PI4K2A: variants seen among roughly 807,000 people sequenced by gnomAD.
PI4K2A encodes the protein phosphatidylinositol 4-kinase type 2-alpha.
A neutral mutation model predicts 55.0 loss-of-function variants in PI4K2A; 20 were observed. That is an observed-to-expected ratio of 0.36 (90% confidence interval 0.26 to 0.53). PI4K2A has a LOEUF of 0.53. PI4K2A is among the 20% of genes least tolerant of loss of function. PI4K2A has a pLI of 0.91. For synonymous variants in PI4K2A, 235 were observed against 258.5 expected, an observed-to-expected ratio of 0.91 and a Z score of 0.87; for missense variants, 463 against 637.1, an observed-to-expected ratio of 0.73 and a Z score of 2.94.
At chr10:97,671,368 T>C (rs1361731401) in intron 8 of PI4K2A, among the ~76,000 whole-genome samples, 1 of 152,044 alleles carries the variant, frequency 6.6e-6, no homozygotes, top group Non-Finnish European at 1.5e-5. Flanking sequence ...GGGAGGGTCA[T>C]TTGAGGCCAG....
chr10:97,657,687 CTAAAG>C (rs1343546217), intron 4 of PI4K2A, among the ~76,000 whole-genome samples: 1 of 150,492 alleles, frequency 6.6e-6, no homozygotes, highest in Non-Finnish European at 1.5e-5. Context: ...AAAAAAGTCT[CTAAAG>C]TCACCTTATT....
At chr10:97,643,127 C>T (rs2041487076) in intron 1 of PI4K2A, among the ~76,000 whole-genome samples, 1 of 151,500 alleles carries the variant, frequency 6.6e-6, no homozygotes, top group African/African-American at 2.4e-5. Flanking sequence ...GCTGGGACTA[C>T]AGGCACGCAC....
At chr10:97,672,722 G>GTTTTTTTTTTTTTTTTT (rs201709914) in intron 8 of PI4K2A, among the ~76,000 whole-genome samples, 1 of 94,788 alleles carries the variant, frequency 1.1e-5, no homozygotes, top group African/African-American at 5.1e-5. Context: ...CAGAGGGTCT[G>GTTTTTTTTTTTTTTTTT]TTCTTTTTTT....
rs1212309707 is a variant in PI4K2A at position 97,656,463 on chromosome 10, A to G, written c.768+47A>G. 3 of 1,586,122 alleles carry G rather than the reference A, an allele frequency of 1.9e-6. No individual in the cohort carries two copies. Among genetic ancestry groups the G allele is most frequent in the African/African-American group, 1.3e-5 (1 of 74,428 alleles). On this transcript the variant is annotated intron_variant, in intron 3 of 8. Coordinates refer to ENST00000370631, the Ensembl canonical transcript of PI4K2A. The surrounding 1 kb of genome is among the most constrained non-coding windows in gnomAD (Gnocchi z 4.5). ...ATCAAGGGTCATGATTTATAGTGACATAGTCATCCAAGTGGTGAAGCAAGG... is the reference window on the plus strand; with the variant it reads ...ATCAAGGGTCATGATTTATAGTGACGTAGTCATCCAAGTGGTGAAGCAAGG...
chr10:97,671,760 C>A (rs376243575), intron 8 of PI4K2A, among the ~76,000 whole-genome samples: 7 of 152,252 alleles, frequency 4.6e-5, no homozygotes, highest in African/African-American at 1.7e-4. Context: ...CCTCCTCAGC[C>A]TCCCCAGTAG....
intron 1 of PI4K2A, 45 bp downstream of exon 1, chr10:97,641,222 G>C (rs746078397): frequency 3.4e-6 from 5 of 1,463,964 alleles, no homozygotes; most frequent in Middle Eastern, 1.8e-4. Context: ...GAGGGCCGGC[G>C]GCGCTCCTGG....
intron 7 of PI4K2A, 69 bp from the exon 8 acceptor site, chr10:97,666,992 C>T (rs1254397944): frequency 8.1e-7 from 1 of 1,235,784 alleles, no homozygotes; most frequent in Non-Finnish European, 1.2e-6. Flanking sequence ...AAGTTTCTAA[C>T]TGGGGGAGAA....
At chr10:97,647,922 TTTG>T (rs965143612) in intron 1 of PI4K2A, among the ~76,000 whole-genome samples, 1 of 151,034 alleles carries the variant, frequency 6.6e-6, no homozygotes, top group Non-Finnish European at 1.5e-5. Context: ...TTGCTTTTTT[TTTG>T]TTGTTGTTGT....
intron 4 of PI4K2A, 93 bp downstream of exon 4, chr10:97,657,067 C>G: frequency 8.2e-7 from 1 of 1,219,532 alleles, no homozygotes; most frequent in Non-Finnish European, 1.2e-6. Context: ...GTCAGAGTAC[C>G]TTGTCCAGAC....
rs780927059 is a variant in PI4K2A, at chr10:97,662,943, G to A, written c.959G>A (p.Cys320Tyr). The change falls in exon 5 of 9, where the codon TGT becomes TAT. Residue 320 changes from cysteine to tyrosine, a missense_variant. Transcript: ENST00000370631. ...GACAACTGGCTGATTAAATATGACT[G>A]TCCAATGGATAGTTCTAGCTCTCGG... 6.9e-6 allele frequency: 11 copies of A among 1,603,370 alleles called. No individual in the cohort carries two copies. The highest frequency in any genetic ancestry group is 9.4e-6 in the Non-Finnish European group (11 of 1,170,534).
intron 4 of PI4K2A, among the ~76,000 whole-genome samples, chr10:97,660,826 A>G (rs1047740824): frequency 3.3e-5 from 5 of 152,058 alleles, no homozygotes; most frequent in African/African-American, 1.2e-4. Flanking sequence ...GAAAATTTCA[A>G]AATACACAAA....
intron 6 of PI4K2A, 31 bp downstream of exon 6, chr10:97,665,015 T>G: frequency 1.9e-4 from 247 of 1,305,208 alleles, no homozygotes; most frequent in Middle Eastern, 3.6e-4. Context: ...GGTCTGGCTC[T>G]TCCCTTGCTC....
At chr10:97,665,021 T>G (rs1380996027) in intron 6 of PI4K2A, 37 bp downstream of exon 6, 2 of 1,271,006 alleles carry the variant, frequency 1.6e-6, no homozygotes, top group African/African-American at 2.9e-5. Context: ...GCTCTTCCCT[T>G]GCTCAGTATA....
intron 2 of PI4K2A, among the ~76,000 whole-genome samples, chr10:97,653,352 A>G (rs1433636319): frequency 1.3e-5 from 2 of 152,192 alleles, no homozygotes; most frequent in Non-Finnish European, 2.9e-5. Flanking sequence ...CAGTTTCCTT[A>G]CTGTAAAAAT....
At chr10:97,645,217 C>G (rs140797419) in intron 1 of PI4K2A, among the ~76,000 whole-genome samples, 1 of 152,198 alleles carries the variant, frequency 6.6e-6, no homozygotes, top group East Asian at 1.9e-4. Context: ...TGACGTAGTT[C>G]CTGGCACTTA....
chr10:97,654,473 GA>G (rs906980151), intron 2 of PI4K2A, among the ~76,000 whole-genome samples: 81 of 151,408 alleles, frequency 5.3e-4, no homozygotes, highest in African/African-American at 1.7e-3. Flanking sequence ...AGGTTCATGG[GA>G]AAAAAAATAG....
At chr10:97,662,946 C>T (rs1430730035) in exon 5 of PI4K2A, 2 of 1,603,466 alleles carry the variant, frequency 1.2e-6, no homozygotes, top group Admixed American at 3.3e-5. Context: ...TATGACTGTC[C>T]AATGGATAGT....
chr10:97,641,646 T>A (rs2041470480), intron 1 of PI4K2A, among the ~76,000 whole-genome samples: 2 of 152,176 alleles, frequency 1.3e-5, no homozygotes, highest in South Asian at 4.1e-4. Context: ...TCCAGCCTTC[T>A]ATGTTGTGGG....
chr10:97,657,458 G>A lies in PI4K2A; in HGVS notation c.922+484G>A, dbSNP rs1589935016. ...CAAGGTGGACAGATCATTTGAGGCC[G>A]GGAGTTCCAGACCAGCCTGGACAAC... On this transcript the variant is annotated intron_variant, in intron 4 of 8. Coordinates refer to ENST00000370631, the Ensembl canonical transcript of PI4K2A. Among the ~76,000 whole-genome samples, 4 of 151,932 alleles carry A rather than the reference G, an allele frequency of 2.6e-5. No individual in the cohort carries two copies. The South Asian group carries it at 8.3e-4, about 32-fold the overall frequency.
Sources: allele counts gnomAD v4.1 joint callset (sites outside exome capture counted in the v4.1 genomes callset), GRCh38; gene constraint gnomAD v4.1.1; non-coding constraint Gnocchi (gnomAD v3.1); transcripts MANE v1.5; gene names NCBI Gene and HGNC (gene_info 2026-07-23, HGNC 2026-07-21).